The following ZRANB3 variants were observed in gnomAD, a reference collection of about 807,000 sequenced individuals.
ZRANB3 encodes zinc finger RANBP2-type containing 3.
Under a neutral mutation model 133.8 loss-of-function variants are expected in ZRANB3, and 125 were observed. The observed-to-expected ratio is 0.93, with a 90% confidence interval of 0.81 to 1.08. The LOEUF (loss-of-function observed/expected upper bound fraction) is 1.08. Ranked by LOEUF, ZRANB3 falls within the 50% of genes least tolerant of loss-of-function variation. ZRANB3 has a pLI of 0.00. For missense variants in ZRANB3, 1,229 were observed against 1,275.5 expected (o/e 0.96, Z 0.56); for synonymous variants, 387 against 432.7 (o/e 0.89, Z 1.31).
chr2:135,297,387 T>C (rs985846547), intron 8 of ZRANB3, among the ~76,000 whole-genome samples: 1 of 152,074 alleles, frequency 6.6e-6, no homozygotes, highest in African/African-American at 2.4e-5. Flanking sequence ...AGGTGCGGGA[T>C]ATAATCTCCT....
intron 5 of ZRANB3, among the ~76,000 whole-genome samples, chr2:135,349,660 A>G (rs1685105386): frequency 1.3e-5 from 2 of 152,228 alleles, no homozygotes; most frequent in Non-Finnish European, 2.9e-5. Context: ...ATAATGTAAA[A>G]TAGGATAAAT....
intron 6 of ZRANB3, among the ~76,000 whole-genome samples, chr2:135,342,608 C>T (rs539974043): frequency 2.0e-5 from 3 of 149,126 alleles, no homozygotes; most frequent in Admixed American, 6.6e-5. Context: ...CTGTGCCCGT[C>T]TTTTTTCTTT....
chr2:135,324,922 G>T (rs1185011144), intron 6 of ZRANB3, among the ~76,000 whole-genome samples: 2 of 151,986 alleles, frequency 1.3e-5, no homozygotes, highest in African/African-American at 4.8e-5. Flanking sequence ...CTTGTTGATG[G>T]GGTTGTTTTT....
At chr2:135,214,819 TAA>T (rs1375505581) in intron 17 of ZRANB3, among the ~76,000 whole-genome samples, 1 of 152,362 alleles carries the variant, frequency 6.6e-6, no homozygotes, top group South Asian at 2.1e-4. Context: ...GAGTTCAGGC[TAA>T]GAGTCCCAAA....
chr2:135,348,192 G>T (rs1247358916), intron 5 of ZRANB3, among the ~76,000 whole-genome samples: 13 of 151,630 alleles, frequency 8.6e-5, no homozygotes, highest in Admixed American at 8.5e-4. Context: ...CTGGGAGGTA[G>T]AAGTTGCTGT....
At chr2:135,253,239 G>A (rs775179825) in intron 12 of ZRANB3, among the ~76,000 whole-genome samples, 27 of 152,282 alleles carry the variant, frequency 1.8e-4, no homozygotes, top group Middle Eastern at 3.4e-3. Flanking sequence ...GCCTGCCAAC[G>A]CAGGCTTGTT....
chr2:135,420,156 C>A (rs116583392), intron 2 of ZRANB3, among the ~76,000 whole-genome samples: 1,448 of 141,272 alleles, frequency 0.01, 23 homozygotes, highest in African/African-American at 0.035. Flanking sequence ...GAAGGCTACA[C>A]AACAAATTAG....
intron 8 of ZRANB3, among the ~76,000 whole-genome samples, chr2:135,291,048 G>C (rs1056071605): frequency 2.0e-5 from 3 of 152,106 alleles, no homozygotes; most frequent in Non-Finnish European, 4.4e-5. Flanking sequence ...TTTTACTAGA[G>C]ATGGGGTTTC....
chr2:135,208,698 C>A (rs977250285), intron 18 of ZRANB3, among the ~76,000 whole-genome samples, 170 bp downstream of exon 18: 2 of 152,160 alleles, frequency 1.3e-5, no homozygotes, highest in African/African-American at 2.4e-5. Context: ...AATGAGGACA[C>A]CAGGTACCTC....
At chr2:135,529,054 CCTGT>C (rs1393434858) in intron 1 of ZRANB3, among the ~76,000 whole-genome samples, 1 of 152,184 alleles carries the variant, frequency 6.6e-6, no homozygotes, top group African/African-American at 2.4e-5. Context: ...GGACAAGGAG[CCTGT>C]CTTTTTAGGC....
At chr2:135,339,473 T>C (rs1213241360) in intron 6 of ZRANB3, among the ~76,000 whole-genome samples, 2 of 151,340 alleles carry the variant, frequency 1.3e-5, no homozygotes, top group African/African-American at 4.9e-5. Context: ...TCCCAGCTAC[T>C]AGGGAGACTG....
intron 3 of ZRANB3, among the ~76,000 whole-genome samples, chr2:135,377,626 G>A (rs1472063944): frequency 6.6e-6 from 1 of 152,166 alleles, no homozygotes; most frequent in Non-Finnish European, 1.5e-5. Context: ...AAAGAAAGTA[G>A]TAATGAATTT....
chr2:135,419,692 C>CA (rs1688750070), intron 2 of ZRANB3, among the ~76,000 whole-genome samples: 1 of 140,262 alleles, frequency 7.1e-6, no homozygotes, highest in Non-Finnish European at 1.5e-5. Context: ...CACATGTCCT[C>CA]ACAAAGGTTT....
At position 135,350,522 on chromosome 2, in the gene ZRANB3, A is replaced by G. The variant is rs146082729; in HGVS notation, c.360-307T>C. On this transcript the variant is annotated intron_variant, in intron 4 of 20. Transcript: ENST00000264159. ...TGCTTCTATGCACCTAGGATCATGC[A>G]TAAAATGGATACTTAAATATTAGTT... Among the ~76,000 whole-genome samples the G allele has an allele frequency of 6.4e-3, 972 of 152,350 alleles. 5 individuals are homozygous for G. The highest frequency in any genetic ancestry group is 0.041 in the Middle Eastern group (12 of 294).
intron 12 of ZRANB3, among the ~76,000 whole-genome samples, chr2:135,247,100 C>G (rs1193041222): frequency 3.3e-5 from 5 of 152,186 alleles, no homozygotes; most frequent in Non-Finnish European, 7.3e-5. Flanking sequence ...TGGTAGGAAC[C>G]ATTACTGCCT....
intron 2 of ZRANB3, among the ~76,000 whole-genome samples, chr2:135,470,828 G>A (rs1230797435): frequency 6.9e-6 from 1 of 144,114 alleles, no homozygotes; most frequent in Non-Finnish European, 1.5e-5. Context: ...TTGAGATGGA[G>A]TCTCACTCTG....
At chr2:135,300,241 ATAAG>A (rs1682363649) in intron 8 of ZRANB3, among the ~76,000 whole-genome samples, 1 of 152,238 alleles carries the variant, frequency 6.6e-6, no homozygotes, top group African/African-American at 2.4e-5. Context: ...TCATTTTACT[ATAAG>A]TAATAATTAA....
intron 8 of ZRANB3, among the ~76,000 whole-genome samples, chr2:135,305,754 T>A (rs1285708775): frequency 1.3e-5 from 2 of 152,212 alleles, no homozygotes; most frequent in African/African-American, 2.4e-5. Flanking sequence ...AAGTTTTTCT[T>A]ATAGGGCTGT....
At chr2:135,370,476 A>G (rs1410049370) in intron 3 of ZRANB3, among the ~76,000 whole-genome samples, 3 of 152,054 alleles carry the variant, frequency 2.0e-5, no homozygotes, top group African/African-American at 7.2e-5. Flanking sequence ...ATAGTCTCCA[A>G]TATCATCCAG....
Sources: allele counts gnomAD v4.1 joint callset (sites outside exome capture counted in the v4.1 genomes callset), GRCh38; gene constraint gnomAD v4.1.1; transcripts MANE v1.5; gene names NCBI Gene and HGNC (gene_info 2026-07-23, HGNC 2026-07-21).